The following BCAT1 variants were observed in gnomAD, a reference collection of about 807,000 sequenced individuals.
BCAT1 encodes the protein branched-chain-amino-acid aminotransferase, cytosolic.
Under a neutral mutation model 52.4 loss-of-function variants are expected in BCAT1, and 48 were observed. That is an observed-to-expected ratio of 0.92 (90% confidence interval 0.73 to 1.16). The LOEUF (loss-of-function observed/expected upper bound fraction) is 1.16, where lower values mean the gene tolerates loss of function less well. Among genes scored for constraint, BCAT1 ranks in the 50% most tolerant of loss-of-function variants. The pLI, the probability that BCAT1 is intolerant of heterozygous loss-of-function variation, is 0.00. For missense variants in BCAT1, 451 were observed against 457.1 expected, an observed-to-expected ratio of 0.99 and a Z score of 0.12; for synonymous variants, 167 against 161.3, an observed-to-expected ratio of 1.04 and a Z score of -0.27.
intron 1 of BCAT1, among the ~76,000 whole-genome samples, chr12:24,922,559 T>C (rs1943512975): frequency 6.6e-6 from 1 of 152,174 alleles, no homozygotes; most frequent in South Asian, 2.1e-4. Context: ...CTCAATACTT[T>C]CGACTATAAT....
chr12:24,943,836 TA>T (rs1943891199), intron 1 of BCAT1, among the ~76,000 whole-genome samples: 1 of 151,852 alleles, frequency 6.6e-6, no homozygotes, highest in South Asian at 2.1e-4. Context: ...TACAAAAAAT[TA>T]GCCGGGCGTG....
intron 1 of BCAT1, among the ~76,000 whole-genome samples, chr12:24,946,076 A>C (rs1286226282): frequency 6.6e-6 from 1 of 152,224 alleles, no homozygotes; most frequent in Non-Finnish European, 1.5e-5. Context: ...AGTTGAGAAG[A>C]GGCCATTTAA....
In BCAT1 at chr12:24,832,840, T is replaced by A. The variant is rs755402809; in HGVS notation, c.927A>T (p.Arg309Ser). 1 of 1,612,036 alleles carries A rather than the reference T, an allele frequency of 6.2e-7. No homozygotes were observed. Residue 309 changes from arginine to serine, a missense_variant, in exon 9 of 11, where the codon AGA becomes AGT. Coordinates refer to ENST00000261192, the MANE Select transcript of BCAT1 (RefSeq NM_005504.7). ...HQWGEFKVSE[R>S]YLTMDDLTTA... The stretch of plus-strand genomic sequence containing the variant: ...TTGTCAAGTCATCCATGGTGAGGTA[T>A]CTCTCTGACACCTTAAATTCACCCT...
At position 24,811,071 on chromosome 12, in the gene BCAT1, C is replaced by T. The variant is rs560983928; in HGVS notation, c.*6937G>A. 4 of 152,234 alleles carry T rather than the reference C, an allele frequency of 2.6e-5. No homozygotes were observed. Among genetic ancestry groups the T allele is most frequent in the East Asian group, 3.9e-4 (2 of 5,184 alleles). 9.4% of individuals were successfully genotyped at this position (152,234 alleles called of 1,614,324 possible). A position where few individuals can be genotyped will look rare whatever the true frequency, so the allele number is the denominator to read the frequency against. ...CCCCCCATTCTGTGCAAATCTCAAA[C>T]GACAAAGCTAAGTTTTACTACAGAT... On this transcript the variant is annotated 3_prime_UTR_variant, in exon 11 of 11. Coordinates refer to ENST00000261192, the MANE Select transcript of BCAT1 (RefSeq NM_005504.7).
intron 10 of BCAT1, among the ~76,000 whole-genome samples, chr12:24,818,807 T>C (rs551543679): frequency 2.0e-5 from 3 of 152,198 alleles, no homozygotes; most frequent in Non-Finnish European, 4.4e-5. Context: ...ATATTCAAAA[T>C]GAAATTAAAT....
rs775225903 is a variant in BCAT1, at chr12:24,881,297, A to C, written c.390+4T>G. On this transcript the variant is annotated splice_donor_region_variant and intron_variant, in intron 4 of 10. Coordinates refer to ENST00000261192, the MANE Select transcript of BCAT1 (RefSeq NM_005504.7). ...ACACAAAAGAAACTCCTACACTTACATACCGGCAGAGTTGCCCTCACAGCA... is the reference window on the plus strand; with the variant it reads ...ACACAAAAGAAACTCCTACACTTACCTACCGGCAGAGTTGCCCTCACAGCA... The C allele has an allele frequency of 6.3e-7, 1 of 1,593,822 alleles. No homozygotes were observed. The highest frequency in any genetic ancestry group is 1.1e-5 in the South Asian group (1 of 89,622).
At chr12:24,820,882 T>C (rs1864260153) in intron 10 of BCAT1, among the ~76,000 whole-genome samples, 1 of 152,016 alleles carries the variant, frequency 6.6e-6, no homozygotes, top group Non-Finnish European at 1.5e-5. Flanking sequence ...CTGCATGTCA[T>C]GCAGTCACTC....
intron 6 of BCAT1, among the ~76,000 whole-genome samples, chr12:24,844,255 C>G (rs1018942303): frequency 1.3e-5 from 2 of 150,932 alleles, no homozygotes; most frequent in African/African-American, 4.9e-5. Flanking sequence ...TGGAGAAACC[C>G]CGTCTCTACT....
chr12:24,917,929 G>C (rs999695609), intron 1 of BCAT1, among the ~76,000 whole-genome samples: 1 of 152,200 alleles, frequency 6.6e-6, no homozygotes, highest in African/African-American at 2.4e-5. Flanking sequence ...AAATCAAAGT[G>C]AGCATTGTTC....
chr12:24,856,408 T>G (rs1941684100), intron 5 of BCAT1, among the ~76,000 whole-genome samples: 1 of 152,172 alleles, frequency 6.6e-6, no homozygotes, highest in Admixed American at 6.5e-5. Flanking sequence ...CTAAAATTCC[T>G]ATGTTGAAAT....
At chr12:24,843,458 C>T (rs1941235256) in intron 6 of BCAT1, among the ~76,000 whole-genome samples, 1 of 152,034 alleles carries the variant, frequency 6.6e-6, no homozygotes, top group South Asian at 2.1e-4. Context: ...CAAGAATTAG[C>T]TGGGCGTGGT....
At chr12:24,896,689 C>A (rs1366771961) in intron 2 of BCAT1, among the ~76,000 whole-genome samples, 1 of 152,122 alleles carries the variant, frequency 6.6e-6, no homozygotes, top group Non-Finnish European at 1.5e-5. Flanking sequence ...ACTGCTTGAA[C>A]CTGGGAGGCA....
chr12:24,907,554 C>G (rs2139694975), intron 1 of BCAT1, among the ~76,000 whole-genome samples: 1 of 152,284 alleles, frequency 6.6e-6, no homozygotes, highest in South Asian at 2.1e-4. Context: ...CCTGCCCCAC[C>G]CTAACCGATC....
chr12:24,852,322 C>T (rs1204522441), intron 5 of BCAT1, among the ~76,000 whole-genome samples: 1 of 152,164 alleles, frequency 6.6e-6, no homozygotes, highest in East Asian at 1.9e-4. Flanking sequence ...AGAGAAGCTT[C>T]TTAACATAAT....
chr12:24,831,059 T>A (rs1940644723), intron 9 of BCAT1, among the ~76,000 whole-genome samples: 2 of 152,106 alleles, frequency 1.3e-5, no homozygotes, highest in Admixed American at 6.6e-5. Flanking sequence ...ATACGTGGAC[T>A]TTCTTCTGCC....
At chr12:24,902,131 G>A (rs768448348) in intron 1 of BCAT1, 12 of 1,448,726 alleles carry the variant, frequency 8.3e-6, no homozygotes, top group African/African-American at 1.4e-5. Context: ...CCGGCTCAGG[G>A]AAGACTGGTT....
intron 3 of BCAT1, among the ~76,000 whole-genome samples, chr12:24,882,601 T>A (rs544947142): frequency 3.6e-4 from 55 of 151,004 alleles, no homozygotes; most frequent in Admixed American, 9.2e-4. Context: ...TTATTTATTT[T>A]TTTTTTTTGA....
At chr12:24,887,043 A>T (rs1213385823) in intron 3 of BCAT1, among the ~76,000 whole-genome samples, 2 of 126,520 alleles carry the variant, frequency 1.6e-5, no homozygotes, top group Non-Finnish European at 3.3e-5. Context: ...AGCCTGGAAG[A>T]ACGAGAGAGA....
chr12:24,839,141 G>A (rs1941095752), intron 7 of BCAT1, among the ~76,000 whole-genome samples: 1 of 152,180 alleles, frequency 6.6e-6, no homozygotes, highest in Non-Finnish European at 1.5e-5. Flanking sequence ...ACTACACAGG[G>A]GGAAACAAAG....
Sources: allele counts gnomAD v4.1 joint callset (sites outside exome capture counted in the v4.1 genomes callset), GRCh38; gene constraint gnomAD v4.1.1; transcripts MANE v1.5; gene names NCBI Gene and HGNC (gene_info 2026-07-23, HGNC 2026-07-21).